KCNQ1: variants seen among roughly 807,000 people sequenced by gnomAD.
KCNQ1 encodes the protein potassium voltage-gated channel subfamily KQT member 1.
KCNQ1 carries 49 observed loss-of-function variants against 72.4 expected under a neutral mutation model. The ratio of observed to expected loss-of-function variants is 0.68; its 90% CI spans 0.54 to 0.86. The LOEUF (loss-of-function observed/expected upper bound fraction) is 0.86. Ranked by LOEUF, KCNQ1 falls within the 40% of genes least tolerant of loss-of-function variation. The pLI is 0.00. For synonymous variants in KCNQ1, 450 were observed against 412.6 expected (o/e 1.09, Z -1.10); for missense variants, 790 against 945.1 (o/e 0.84, Z 2.15).
At chr11:2,802,305 G>A (rs1242981198) in intron 15 of KCNQ1, among the ~76,000 whole-genome samples, 1 of 152,220 alleles carries the variant, frequency 6.6e-6, no homozygotes, top group Non-Finnish European at 1.5e-5. Flanking sequence ...CCTGGCTCCG[G>A]CCCTGTCGCC....
At chr11:2,681,130 T>C in intron 11 of KCNQ1, 1 of 398,648 alleles carries the variant, frequency 2.5e-6, no homozygotes, top group Non-Finnish European at 4.4e-6. Context: ...AAAGCACCTA[T>C]GAAAAAATTC....
chr11:2,665,087 A>C (rs568687611), intron 11 of KCNQ1: 2 of 398,414 alleles, frequency 5.0e-6, no homozygotes, highest in African/African-American at 4.1e-5. Context: ...CGGGGTACCC[A>C]GGAGATAAAG....
chr11:2,784,973 A>G lies in KCNQ1; in HGVS notation c.1794+6936A>G, dbSNP rs530847414. 2.0e-5 allele frequency among the ~76,000 whole-genome samples: 3 copies of G among 152,156 alleles called. No homozygotes were observed. The highest frequency in any genetic ancestry group is 2.1e-4 in the South Asian group (1 of 4,832). On this transcript the variant is annotated intron_variant, in intron 15 of 15. Coordinates refer to ENST00000155840, the MANE Select transcript of KCNQ1 (RefSeq NM_000218.3). The surrounding 1 kb of genome is among the most constrained non-coding windows in gnomAD (Gnocchi z 4.7). ...ATATAGGATCATGTCTTGTGGCAAT[A>G]AAGACAATTTTTACTTCTTTCCAGT...
At position 2,603,493 on chromosome 11, in the gene KCNQ1, A is replaced by G. The variant is rs1310450903; in HGVS notation, c.1393+14639A>G. ...AGTTTGAGAACATTTTTATCATTCC[A>G]AAAAGAAACCCAGTGCCTTTTAAAT... On this transcript the variant is annotated intron_variant, in intron 10 of 15. Transcript: ENST00000155840. The surrounding 1 kb of genome is among the most constrained non-coding windows in gnomAD (Gnocchi z 4.1). Among the ~76,000 whole-genome samples the G allele has an allele frequency of 6.6e-6, 1 of 152,154 alleles. No homozygotes were observed. Among genetic ancestry groups the G allele is most frequent in the African/African-American group, 2.4e-5 (1 of 41,416 alleles).
intron 1 of KCNQ1, among the ~76,000 whole-genome samples, chr11:2,519,774 C>G (rs1245839176): frequency 2.0e-5 from 1 of 50,898 alleles, no homozygotes; most frequent in Non-Finnish European, 4.4e-5. Flanking sequence ...CAGGTGTTGG[C>G]CCCCCCCCAC....
At chr11:2,696,894 T>TA in intron 11 of KCNQ1, 1 of 398,630 alleles carries the variant, frequency 2.5e-6, no homozygotes, top group East Asian at 3.6e-5. Context: ...TTTTGTTTTT[T>TA]GTTTTGAGTA....
chr11:2,798,914 G>A (rs1847199521), intron 15 of KCNQ1, among the ~76,000 whole-genome samples: 1 of 152,158 alleles, frequency 6.6e-6, no homozygotes, highest in Non-Finnish European at 1.5e-5. Context: ...AGCAGGAACA[G>A]GACGGGGGAA....
intron 11 of KCNQ1, among the ~76,000 whole-genome samples, chr11:2,756,981 A>AAAAAAAAAAAAAAAAAAAAAAAAAAAC: frequency 8.7e-6 from 1 of 115,178 alleles, no homozygotes; most frequent in Non-Finnish European, 1.8e-5. Context: ...AAAAAAAAAA[A>AAAAAAAAAAAAAAAAAAAAAAAAAAAC]CCCACAGCTA....
In KCNQ1 at chr11:2,592,076, T is replaced by C. The variant is rs1039114914; in HGVS notation, c.1393+3222T>C. ...AGGCCTCGACCTTGTCTGGCTGTGC[T>C]TTCTGTTGTGTGAACCTGCAGGTTA... On this transcript the variant is annotated intron_variant, in intron 10 of 15. Transcript: ENST00000155840. The surrounding 1 kb of genome is among the most constrained non-coding windows in gnomAD (Gnocchi z 5.2). Among the ~76,000 whole-genome samples, 2 of 152,248 alleles carry C rather than the reference T, an allele frequency of 1.3e-5. No individual in the cohort carries two copies. Among genetic ancestry groups the C allele is most frequent in the African/African-American group, 2.4e-5 (1 of 41,468 alleles).
chr11:2,778,091 G>A, intron 15 of KCNQ1, 54 bp downstream of exon 15: 3 of 1,541,634 alleles, frequency 1.9e-6, no homozygotes, highest in Admixed American at 1.7e-5. Context: ...GGGGCCAGCA[G>A]GCACCTCCCT....
At chr11:2,513,533 T>C (rs560155319) in intron 1 of KCNQ1, among the ~76,000 whole-genome samples, 63 of 152,280 alleles carry the variant, frequency 4.1e-4, no homozygotes, top group African/African-American at 1.3e-3. Context: ...AGGTCCCTGC[T>C]GGGCCCAAGG....
intron 15 of KCNQ1, among the ~76,000 whole-genome samples, chr11:2,831,781 C>T (rs556163042): frequency 6.6e-6 from 1 of 150,976 alleles, no homozygotes; most frequent in Admixed American, 6.6e-5. Context: ...CCACCAGAGC[C>T]CTGGAAGGCT....
intron 11 of KCNQ1, chr11:2,666,651 G>C (rs1850074246): frequency 5.0e-6 from 2 of 398,654 alleles, no homozygotes; most frequent in East Asian, 7.1e-5. Context: ...ATGGACCAAG[G>C]GGCTAGCTCT....
rs996471491 is a variant in KCNQ1, at chr11:2,475,079, C to T, written c.386+29595C>T. On this transcript the variant is annotated intron_variant, in intron 1 of 15. Transcript: ENST00000155840. The surrounding 1 kb of genome is among the most constrained non-coding windows in gnomAD (Gnocchi z 5.8). ...CGGTTTACTCGCAGTGCTAGGCGTC[C>T]GACACGTCTTTCTAATTCCTGAACA... is the stretch of plus-strand genomic sequence containing the variant. Among the ~76,000 whole-genome samples, 8 of 152,132 alleles carry T rather than the reference C, an allele frequency of 5.3e-5. No individual in the cohort carries two copies. Among genetic ancestry groups the T allele is most frequent in the Non-Finnish European group, 7.3e-5 (5 of 68,032 alleles).
In KCNQ1 at chr11:2,746,873, C is replaced by T. The variant is rs969918440; in HGVS notation, c.1515-21971C>T. Among the ~76,000 whole-genome samples, 4 of 152,232 alleles carry T rather than the reference C, an allele frequency of 2.6e-5. No homozygotes were observed. Among genetic ancestry groups the T allele is most frequent in the African/African-American group, 7.2e-5 (3 of 41,458 alleles). On this transcript the variant is annotated intron_variant, in intron 11 of 15. Transcript: ENST00000155840. This position sits in a 1 kb window ranked among gnomAD's most constrained non-coding sequence, Gnocchi z 5.9. ...ACACTGGTGACCCCTGTGAGCCCCACTGGGGACAGATCCAGGAAGGGACCT... is the reference window on the plus strand; with the variant it reads ...ACACTGGTGACCCCTGTGAGCCCCATTGGGGACAGATCCAGGAAGGGACCT...
intron 15 of KCNQ1, among the ~76,000 whole-genome samples, chr11:2,793,119 C>T (rs2134011565): frequency 6.6e-6 from 1 of 152,326 alleles, no homozygotes; most frequent in Non-Finnish European, 1.5e-5. Context: ...GCTACCTGGC[C>T]ACCCATCCTC....
chr11:2,632,199 A>AG (rs1183462059), intron 10 of KCNQ1: 14 of 397,822 alleles, frequency 3.5e-5, no homozygotes, highest in Admixed American at 1.3e-4. Flanking sequence ...AAAAAAAAAA[A>AG]AAAAGAAATG....
chr11:2,538,350 C>T lies in KCNQ1; in HGVS notation c.477+10332C>T, dbSNP rs1307099112. On this transcript the variant is annotated intron_variant, in intron 2 of 15. Transcript: ENST00000155840. This position sits in a 1 kb window ranked among gnomAD's most constrained non-coding sequence, Gnocchi z 6.7. ...GCTTGGGGACAGTCCCCTGGCCCCA[C>T]GGATGTTGTGTGGACGAGTTGGAGG... is the stretch of plus-strand genomic sequence containing the variant. Among the ~76,000 whole-genome samples, 3 of 152,098 alleles carry T rather than the reference C, an allele frequency of 2.0e-5. No homozygotes were observed. Among genetic ancestry groups the T allele is most frequent in the Admixed American group, 6.5e-5 (1 of 15,282 alleles).
Position 2,769,764 on chromosome 11 carries a change from G to A in KCNQ1, c.1590+845G>A, listed in dbSNP as rs918225414. Among the ~76,000 whole-genome samples the A allele has an allele frequency of 5.9e-5, 9 of 152,154 alleles. No individual in the cohort carries two copies. Among genetic ancestry groups the A allele is most frequent in the Admixed American group, 1.3e-4 (2 of 15,288 alleles). On this transcript the variant is annotated intron_variant, in intron 12 of 15. Transcript: ENST00000155840. This position sits in a 1 kb window ranked among gnomAD's most constrained non-coding sequence, Gnocchi z 4.6. ...GCCTGAGTCCCTTGGAGCGGGGGGC[G>A]TGTGACGTGCTTGAGTGAGTGCGTG... is the stretch of plus-strand genomic sequence containing the variant.
Sources: gnomAD v4.1 joint callset for allele counts (sites outside exome capture counted in the v4.1 genomes callset) on GRCh38, gnomAD v4.1.1 for gene constraint, Gnocchi (gnomAD v3.1) non-coding constraint, MANE v1.5 for transcripts, NCBI Gene and HGNC (gene_info 2026-07-23, HGNC 2026-07-21) for gene names.